The following RHOH variants were observed in gnomAD, a reference collection of about 807,000 sequenced individuals.
The protein encoded by RHOH is ras homolog family member H.
RHOH carries 6 observed loss-of-function variants against 13.8 expected under a neutral mutation model. That is an observed-to-expected ratio of 0.44 (90% confidence interval 0.24 to 0.86). The LOEUF is 0.86. Ranked by LOEUF, RHOH falls within the 40% of genes least tolerant of loss-of-function variation. The probability of loss-of-function intolerance (pLI) is 0.24; values close to 1 mark genes in which losing one functional copy is unlikely to be tolerated. For missense variants in RHOH, 147 were observed against 244.5 expected (o/e 0.60, Z 2.66); for synonymous variants, 117 against 103.0 (o/e 1.14, Z -0.82).
intron 1 of RHOH, among the ~76,000 whole-genome samples, chr4:40,204,690 T>G (rs993913881): frequency 6.6e-6 from 1 of 152,174 alleles, no homozygotes; most frequent in African/African-American, 2.4e-5. Context: ...GACATCAGAT[T>G]AAGCCCCTAA....
chr4:40,246,688 A>G lies in RHOH; in HGVS notation c.*2726A>G, dbSNP rs1329913616. ...GTGTTAAACTGAAATGGAGAGAAAG[A>G]CAGTAATTGGGCTTCTGTGCCACAC... On this transcript the variant is annotated 3_prime_UTR_variant, in exon 3 of 3. Transcript: ENST00000381799. 1 of 152,308 alleles carries G rather than the reference A, an allele frequency of 6.6e-6. No individual in the cohort carries two copies. Among genetic ancestry groups the G allele is most frequent in the East Asian group, 1.9e-4 (1 of 5,206 alleles). The allele number at this position is 152,308 out of a possible 1,614,324, so 9.4% of individuals were successfully genotyped here. A position where few individuals can be genotyped will look rare whatever the true frequency, so the allele number is the denominator to read the frequency against.
At chr4:40,226,689 C>T (rs917729915) in intron 1 of RHOH, among the ~76,000 whole-genome samples, 7 of 152,130 alleles carry the variant, frequency 4.6e-5, no homozygotes, top group African/African-American at 1.7e-4. Context: ...ATATCCAGAA[C>T]AAATTATTAA....
At chr4:40,200,348 TG>T (rs1723803556) in intron 1 of RHOH, 1 of 152,196 alleles carries the variant, frequency 6.6e-6, no homozygotes, top group African/African-American at 2.4e-5. Context: ...TGTCTCACTG[TG>T]GAATAGTGGT....
chr4:40,240,065 A>T (rs1729065279), intron 1 of RHOH: 1 of 152,260 alleles, frequency 6.6e-6, no homozygotes, highest in South Asian at 2.1e-4. Flanking sequence ...ATTCAATGCC[A>T]GGTCCACCTG....
At position 40,245,843 on chromosome 4, in the gene RHOH, CCTT is replaced by C. The variant is rs757680999; in HGVS notation, c.*1884_*1886del. 2.6e-5 allele frequency: 4 copies of C among 152,212 alleles called. No homozygotes were observed. Among genetic ancestry groups the C allele is most frequent in the Non-Finnish European group, 5.9e-5 (4 of 68,052 alleles). 9.4% of individuals were successfully genotyped at this position (152,212 alleles called of 1,614,324 possible). On this transcript the variant is annotated 3_prime_UTR_variant, in exon 3 of 3. Transcript: ENST00000381799. ...TGTGCTCATTCACACATTGCTTTCT[CCTT>C]CTCTCTCTCCTCCTATCCACAGCCA...
At chr4:40,196,447 A>T (rs1723140892), upstream of RHOH, among the ~76,000 whole-genome samples, 1 of 152,240 alleles carries the variant, frequency 6.6e-6, no homozygotes. Context: ...AGGAGTCTGA[A>T]AAAACAACTC....
At position 40,243,707 on chromosome 4, in the gene RHOH, C is replaced by G; in HGVS notation, c.321C>G (p.Pro107=). The G allele has an allele frequency of 6.2e-7, 1 of 1,614,202 alleles. No individual in the cohort carries two copies. The highest frequency in any genetic ancestry group is 8.5e-7 in the Non-Finnish European group (1 of 1,180,046). Reference sequence around the variant, plus strand: ...TTGGTGAAATTAGGAGCAACTTGCCCTGTACCCCTGTGCTGGTGGTGGCCA... The same window carrying G: ...TTGGTGAAATTAGGAGCAACTTGCCGTGTACCCCTGTGCTGGTGGTGGCCA... The part of the protein sequence containing the change: ...KWIGEIRSNL[P]CTPVLVVATQ... The change falls in exon 3 of 3, where the codon CCC becomes CCG. Residue 107 remains proline (P), a synonymous_variant. Transcript: ENST00000381799. This position sits in a 1 kb window ranked among gnomAD's most constrained non-coding sequence, Gnocchi z 6.2.
At chr4:40,235,791 T>C (rs1048262918) in intron 1 of RHOH, among the ~76,000 whole-genome samples, 24 of 151,616 alleles carry the variant, frequency 1.6e-4, no homozygotes, top group Admixed American at 1.2e-3. Flanking sequence ...TTGGGCAACA[T>C]AGTGAGACCT....
intron 1 of RHOH, among the ~76,000 whole-genome samples, chr4:40,213,734 T>C (rs879717234): frequency 4.9e-4 from 75 of 152,110 alleles, no homozygotes; most frequent in Middle Eastern, 3.4e-3. Flanking sequence ...CATTGTAATT[T>C]TCCTTCTTCT....
intron 1 of RHOH, among the ~76,000 whole-genome samples, chr4:40,233,925 C>CAAATAAAATAAAATA (rs5857719): frequency 0.012 from 1,713 of 145,196 alleles, 26 homozygotes; most frequent in East Asian, 0.084. Flanking sequence ...TACTCCCTCT[C>CAAATAAAATAAAATA]AAATAAAATA....
At chr4:40,238,648 G>A (rs2109559884) in intron 1 of RHOH, among the ~76,000 whole-genome samples, 2 of 152,286 alleles carry the variant, frequency 1.3e-5, no homozygotes, top group Non-Finnish European at 2.9e-5. Flanking sequence ...AAGGGCAAGA[G>A]CATCAAATTA....
chr4:40,198,346 G>A (rs1447120203), intron 1 of RHOH, among the ~76,000 whole-genome samples: 1 of 152,224 alleles, frequency 6.6e-6, no homozygotes, highest in Non-Finnish European at 1.5e-5. Context: ...AGAGACACTG[G>A]AGAAGAGAAG....
intron 1 of RHOH, among the ~76,000 whole-genome samples, chr4:40,230,590 T>G (rs1727810618): frequency 6.6e-6 from 1 of 150,508 alleles, no homozygotes. Flanking sequence ...CCATCTCTAC[T>G]AAAAGTGATC....
At chr4:40,195,112 C>T (rs2109332108), upstream of RHOH, among the ~76,000 whole-genome samples, 1 of 152,292 alleles carries the variant, frequency 6.6e-6, no homozygotes, top group Non-Finnish European at 1.5e-5. Flanking sequence ...ATTAACCTCA[C>T]CCCCAGTTTT....
At chr4:40,220,120 C>T (rs1240909599) in intron 1 of RHOH, among the ~76,000 whole-genome samples, 1 of 152,146 alleles carries the variant, frequency 6.6e-6, no homozygotes, top group African/African-American at 2.4e-5. Context: ...CCAACATCAT[C>T]TTCCACCTGT....
At chr4:40,193,624 C>T (rs1340518628), upstream of RHOH, 1 of 152,626 alleles carries the variant, frequency 6.6e-6, no homozygotes, top group Non-Finnish European at 1.5e-5. Flanking sequence ...TCCCCTCCCC[C>T]TAAGAAAATC....
intron 1 of RHOH, among the ~76,000 whole-genome samples, chr4:40,229,697 G>A (rs57312493): frequency 0.078 from 11,642 of 150,084 alleles, 771 homozygotes; most frequent in East Asian, 0.39. Context: ...CTTTTAACAC[G>A]AAAAGTTTTG....
intron 1 of RHOH, among the ~76,000 whole-genome samples, chr4:40,223,062 T>G (rs1726777468): frequency 1.3e-5 from 2 of 152,204 alleles, no homozygotes; most frequent in South Asian, 4.1e-4. Flanking sequence ...GTCTGTAATC[T>G]CATGTTAAAA....
chr4:40,201,945 GTTTTTT>G (rs1179441198), intron 1 of RHOH, among the ~76,000 whole-genome samples: 18 of 109,052 alleles, frequency 1.7e-4, no homozygotes, highest in African/African-American at 6.3e-4. Context: ...AACTCCATGA[GTTTTTT>G]TTTTTTTTTT....
Sources: allele counts gnomAD v4.1 joint callset (sites outside exome capture counted in the v4.1 genomes callset), GRCh38; gene constraint gnomAD v4.1.1; non-coding constraint Gnocchi (gnomAD v3.1); transcripts MANE v1.5; gene names NCBI Gene and HGNC (gene_info 2026-07-23, HGNC 2026-07-21).